The following NELL1 variants were observed in gnomAD, a reference collection of about 807,000 sequenced individuals.
NELL1 encodes the protein neural EGFL like 1, also known as protein kinase C-binding protein NELL1.
NELL1 carries 76 observed loss-of-function variants against 107.4 expected under a neutral mutation model. The ratio of observed to expected loss-of-function variants is 0.71; its 90% CI spans 0.59 to 0.86. The LOEUF is 0.86. NELL1 is among the 40% of genes least tolerant of loss of function. NELL1 has a pLI of 0.00. For synonymous variants in NELL1, 353 were observed against 341.2 expected (o/e 1.03, Z -0.38); for missense variants, 1,024 against 1,005.5 (o/e 1.02, Z -0.25).
At chr11:20,724,416 C>T (rs1855462764) in intron 2 of NELL1, among the ~76,000 whole-genome samples, 1 of 152,178 alleles carries the variant, frequency 6.6e-6, no homozygotes, top group South Asian at 2.1e-4. Context: ...CAGAATAAGA[C>T]AGGTCACCTC....
At chr11:20,769,750 G>A (rs1856604533) in intron 2 of NELL1, among the ~76,000 whole-genome samples, 1 of 152,122 alleles carries the variant, frequency 6.6e-6, no homozygotes, top group Non-Finnish European at 1.5e-5. Flanking sequence ...GGGTTGAGAT[G>A]TTGTCCCCAC....
intron 15 of NELL1, among the ~76,000 whole-genome samples, chr11:21,481,484 G>T (rs1854490919): frequency 6.6e-6 from 1 of 152,102 alleles, no homozygotes; most frequent in Non-Finnish European, 1.5e-5. Flanking sequence ...GTAATGTAAG[G>T]GTTGCATTAA....
At chr11:21,121,742 T>C (rs1855372733) in intron 13 of NELL1, among the ~76,000 whole-genome samples, 1 of 152,132 alleles carries the variant, frequency 6.6e-6, no homozygotes, top group Admixed American at 6.6e-5. Flanking sequence ...TGGACTTCTC[T>C]ACCTGTCACA....
At chr11:20,721,208 A>G (rs1855377749) in intron 2 of NELL1, among the ~76,000 whole-genome samples, 2 of 137,066 alleles carry the variant, frequency 1.5e-5, no homozygotes, top group African/African-American at 5.8e-5. Context: ...GTGTATATAT[A>G]TATTTTGTTT....
At chr11:21,314,243 C>A (rs772461266) in intron 14 of NELL1, among the ~76,000 whole-genome samples, 1 of 152,076 alleles carries the variant, frequency 6.6e-6, no homozygotes, top group Non-Finnish European at 1.5e-5. Flanking sequence ...CCATTCATGG[C>A]CCAATCACTT....
chr11:21,333,136 T>C (rs2133688656), intron 14 of NELL1, among the ~76,000 whole-genome samples: 1 of 152,156 alleles, frequency 6.6e-6, no homozygotes, highest in Admixed American at 6.6e-5. Context: ...TGTGCTTCCT[T>C]TTAAAAGGTA....
intron 12 of NELL1, among the ~76,000 whole-genome samples, chr11:21,036,730 T>C (rs1374567929): frequency 6.6e-6 from 1 of 151,868 alleles, no homozygotes; most frequent in African/African-American, 2.4e-5. Flanking sequence ...TCTCTCTCTC[T>C]GTCTCACACA....
chr11:20,795,315 A>G lies in NELL1; in HGVS notation c.335+11485A>G, dbSNP rs114844947. Among the ~76,000 whole-genome samples the G allele has an allele frequency of 5.0e-3, 766 of 152,346 alleles. 9 individuals are homozygous for G. Among genetic ancestry groups the G allele is most frequent in the African/African-American group, 0.018 (728 of 41,580 alleles). On this transcript the variant is annotated intron_variant, in intron 3 of 19. Transcript: ENST00000357134. ...GAAATATAAAGACTATTAAAAATGT[A>G]CCTGGAGGTAGTAATTGAAATAGGC...
intron 14 of NELL1, among the ~76,000 whole-genome samples, chr11:21,340,934 C>T (rs1850549766): frequency 6.6e-6 from 1 of 152,098 alleles, no homozygotes; most frequent in African/African-American, 2.4e-5. Context: ...AATCAACGTA[C>T]CTATTTCTCT....
rs186584082 is a variant in NELL1 at position 21,575,131 on chromosome 11, A to G, written c.*109A>G. 3 of 1,016,950 alleles carry G rather than the reference A, an allele frequency of 3.0e-6. No individual in the cohort carries two copies. The highest frequency in any genetic ancestry group is 3.9e-5 in the Admixed American group (2 of 50,800). 63.0% of individuals were successfully genotyped at this position (1,016,950 alleles called of 1,614,324 possible). On this transcript the variant is annotated 3_prime_UTR_variant, in exon 20 of 20. Coordinates refer to ENST00000357134, the MANE Select transcript of NELL1 (RefSeq NM_006157.5). ...TTTTGTTTGTTTTGTTTTTTTAACC[A>G]CAGATAATTGCCAAAGTTTCCACCT... is the stretch of plus-strand genomic sequence containing the variant.
intron 11 of NELL1, among the ~76,000 whole-genome samples, chr11:20,959,290 A>C (rs1422578184): frequency 6.6e-6 from 1 of 152,190 alleles, no homozygotes; most frequent in Non-Finnish European, 1.5e-5. Flanking sequence ...GTAGAACTAA[A>C]AGTAGAATTT....
In NELL1 at chr11:21,196,596, T is replaced by C. The variant is rs748111551; in HGVS notation, c.1427-32736T>C. Among the ~76,000 whole-genome samples, 53 of 152,224 alleles carry C rather than the reference T, an allele frequency of 3.5e-4. 1 individual carries two copies. The highest frequency in any genetic ancestry group is 2.9e-4 in the Non-Finnish European group (20 of 68,002). On this transcript the variant is annotated intron_variant, in intron 13 of 19. Transcript: ENST00000357134. ...AGAAAACCTTCCCCAGGCCTCTCTA[T>C]CTATTTTAGTAACCTCATCACTCTC...
At chr11:21,455,874 T>C (rs1564902882) in intron 15 of NELL1, among the ~76,000 whole-genome samples, 1 of 31,494 alleles carries the variant, frequency 3.2e-5, no homozygotes, top group Non-Finnish European at 5.5e-5. Flanking sequence ...TTCTTTCTTT[T>C]CTTTTTTTTT....
chr11:20,739,898 A>G (rs1006226337), intron 2 of NELL1, among the ~76,000 whole-genome samples: 16 of 152,326 alleles, frequency 1.1e-4, no homozygotes, highest in African/African-American at 3.6e-4. Flanking sequence ...AAACAAAGAG[A>G]CAATAACCAA....
At chr11:21,527,057 C>T (rs1252529214) in intron 15 of NELL1, among the ~76,000 whole-genome samples, 2 of 152,192 alleles carry the variant, frequency 1.3e-5, no homozygotes, top group Non-Finnish European at 2.9e-5. Context: ...AACTTTTATG[C>T]TCTGCTTCCT....
chr11:21,394,898 C>T (rs1047617921), intron 15 of NELL1, among the ~76,000 whole-genome samples: 1 of 151,220 alleles, frequency 6.6e-6, no homozygotes, highest in Non-Finnish European at 1.5e-5. Flanking sequence ...GTTCTCCTAC[C>T]CAGAAGGAGC....
At chr11:20,843,427 A>G (rs1189547353) in intron 3 of NELL1, among the ~76,000 whole-genome samples, 4 of 151,944 alleles carry the variant, frequency 2.6e-5, no homozygotes, top group African/African-American at 9.7e-5. Context: ...GAAATGTTTT[A>G]CCTTTACTTG....
chr11:21,176,737 C>G (rs997840446), intron 13 of NELL1, among the ~76,000 whole-genome samples: 3 of 151,710 alleles, frequency 2.0e-5, no homozygotes, highest in Admixed American at 6.6e-5. Context: ...GTCCTCTCTT[C>G]TCTATGTTGT....
chr11:20,786,633 C>T (rs750431086), intron 3 of NELL1, among the ~76,000 whole-genome samples: 2 of 151,822 alleles, frequency 1.3e-5, no homozygotes, highest in Non-Finnish European at 2.9e-5. Flanking sequence ...TTCTTGTGTC[C>T]TCAGAAGAAA....
Sources: gnomAD v4.1 joint callset for allele counts (sites outside exome capture counted in the v4.1 genomes callset) on GRCh38, gnomAD v4.1.1 for gene constraint, MANE v1.5 for transcripts, NCBI Gene and HGNC (gene_info 2026-07-23, HGNC 2026-07-21) for gene names.